The following TAFA2 variants were observed in gnomAD, a reference collection of about 807,000 sequenced individuals.
TAFA2 encodes chemokine-like protein TAFA-2.
TAFA2 carries 7 observed loss-of-function variants against 18.8 expected under a neutral mutation model. The observed-to-expected ratio is 0.37, with a 90% confidence interval of 0.21 to 0.70. The LOEUF is 0.70. TAFA2 is among the 30% of genes least tolerant of loss of function. The pLI is 0.53. For synonymous variants in TAFA2, 60 were observed against 54.2 expected (o/e 1.11, Z -0.47); for missense variants, 122 against 158.1 (o/e 0.77, Z 1.23).
intron 1 of TAFA2, chr12:62,234,838 T>C: frequency 2.0e-6 from 2 of 1,016,376 alleles, no homozygotes; most frequent in South Asian, 1.3e-5. Flanking sequence ...ACGAGAGTCC[T>C]GAGATCCTAA....
chr12:62,085,568 T>G (rs1394963453), intron 1 of TAFA2, among the ~76,000 whole-genome samples: 1 of 152,162 alleles, frequency 6.6e-6, no homozygotes, highest in African/African-American at 2.4e-5. Flanking sequence ...TTTTATTCAT[T>G]CATTCCACAT....
chr12:61,756,163 CAG>C (rs1308493096), intron 2 of TAFA2, among the ~76,000 whole-genome samples: 2 of 152,020 alleles, frequency 1.3e-5, no homozygotes, highest in Non-Finnish European at 2.9e-5. Context: ...TTTTCTAAGA[CAG>C]AGCAAATCAC....
chr12:62,037,239 T>C (rs1031862585), intron 1 of TAFA2, among the ~76,000 whole-genome samples: 10 of 152,220 alleles, frequency 6.6e-5, no homozygotes, highest in Middle Eastern at 3.2e-3. Context: ...TCCTTCTCCA[T>C]CTGTGCTCGA....
At chr12:61,955,649 A>ATATATG (rs1555178810) in intron 1 of TAFA2, among the ~76,000 whole-genome samples, 5 of 77,520 alleles carry the variant, frequency 6.4e-5, no homozygotes, top group African/African-American at 1.9e-4. Flanking sequence ...ATATATATAT[A>ATATATG]TATATATATA....
intron 2 of TAFA2, among the ~76,000 whole-genome samples, chr12:61,858,788 C>T (rs572919768): frequency 6.6e-6 from 1 of 151,872 alleles, no homozygotes; most frequent in Admixed American, 6.6e-5. Context: ...AAGTGTGAAC[C>T]AAAACAAATG....
chr12:62,109,803 G>T (rs575694496), intron 1 of TAFA2, among the ~76,000 whole-genome samples: 1 of 152,276 alleles, frequency 6.6e-6, no homozygotes, highest in African/African-American at 2.4e-5. Flanking sequence ...GTATAGGAAT[G>T]CCTGTGATTT....
rs192658147 is a variant in TAFA2, at chr12:62,105,055, T to G, written c.-2+86204A>C. 4.3e-5 allele frequency: 8 copies of G among 187,558 alleles called. No individual in the cohort carries two copies. The East Asian group carries it at 1.2e-3, about 28-fold the overall frequency. 11.6% of individuals were successfully genotyped at this position (187,558 alleles called of 1,614,324 possible). On this transcript the variant is annotated intron_variant, in intron 1 of 4. Transcript: ENST00000416284. The stretch of plus-strand genomic sequence containing the variant: ...AAGGAAGGGGGAAAGGTCTCCCTTT[T>G]TTTTGTTTTGTTTTGTTTTCTACAG...
At chr12:62,204,626 T>C (rs1297011102) in intron 1 of TAFA2, among the ~76,000 whole-genome samples, 1 of 152,220 alleles carries the variant, frequency 6.6e-6, no homozygotes, top group Non-Finnish European at 1.5e-5. Flanking sequence ...AGTTGGCTAT[T>C]GATACTTGTG....
rs1329658267 is a variant in TAFA2 at position 61,879,966 on chromosome 12, A to C, written c.-1-12540T>G. ...AAGGTAGAGCTGGAGTCTCACCTGG[A>C]AGGGCTGACTGATGAGATCAACTTC... On this transcript the variant is annotated intron_variant, in intron 1 of 4. Transcript: ENST00000416284. 5 of 862,164 alleles carry C rather than the reference A, an allele frequency of 5.8e-6. No individual in the cohort carries two copies. In the Admixed American group the frequency reaches 8.5e-5, roughly 15 times the overall value. The allele number at this position is 862,164 out of a possible 1,614,324, so 53.4% of individuals were successfully genotyped here. A position where few individuals can be genotyped will look rare whatever the true frequency, so the allele number is the denominator to read the frequency against.
intron 1 of TAFA2, among the ~76,000 whole-genome samples, chr12:61,931,102 C>T (rs1230331377): frequency 6.6e-6 from 1 of 152,152 alleles, no homozygotes; most frequent in African/African-American, 2.4e-5. Context: ...TCTCATGCCA[C>T]CATCAGTTGA....
At chr12:61,965,640 C>A (rs534676986) in intron 1 of TAFA2, among the ~76,000 whole-genome samples, 22 of 151,844 alleles carry the variant, frequency 1.4e-4, no homozygotes, top group Admixed American at 1.3e-3. Context: ...TGGGAGGGGA[C>A]TGAATTTCAG....
At chr12:61,811,275 C>CCTT (rs1871857975) in intron 2 of TAFA2, among the ~76,000 whole-genome samples, 1 of 150,882 alleles carries the variant, frequency 6.6e-6, no homozygotes, top group Non-Finnish European at 1.5e-5. Flanking sequence ...TCAGAAAAGC[C>CCTT]CTACAGTTGA....
At chr12:61,786,597 A>T (rs188253212) in intron 2 of TAFA2, among the ~76,000 whole-genome samples, 382 of 151,716 alleles carry the variant, frequency 2.5e-3, no homozygotes, top group African/African-American at 8.9e-3. Flanking sequence ...GCTAGGAAAG[A>T]TAAATTGAAC....
At chr12:62,077,788 G>A (rs924336658) in intron 1 of TAFA2, among the ~76,000 whole-genome samples, 9 of 151,892 alleles carry the variant, frequency 5.9e-5, no homozygotes, top group South Asian at 2.1e-4. Context: ...GCCATGAATC[G>A]CACTGGCACC....
chr12:62,161,882 T>C (rs1044130036), intron 1 of TAFA2, among the ~76,000 whole-genome samples: 17 of 152,202 alleles, frequency 1.1e-4, no homozygotes, highest in African/African-American at 4.1e-4. Flanking sequence ...AATTTGATGA[T>C]GTTTTTATGA....
At chr12:62,250,473 CATT>C (rs1198891041) in intron 1 of TAFA2, among the ~76,000 whole-genome samples, 5 of 152,034 alleles carry the variant, frequency 3.3e-5, no homozygotes, top group South Asian at 4.2e-4. Flanking sequence ...TTCTCAAACT[CATT>C]ATAATTTCTG....
chr12:62,153,607 C>T (rs559813347), intron 1 of TAFA2, among the ~76,000 whole-genome samples: 70 of 152,022 alleles, frequency 4.6e-4, no homozygotes, highest in African/African-American at 1.6e-3. Flanking sequence ...GAGTTTGAGG[C>T]CACAGTCAGC....
chr12:62,085,017 A>C (rs568473214), intron 1 of TAFA2, among the ~76,000 whole-genome samples: 1 of 152,238 alleles, frequency 6.6e-6, no homozygotes, highest in South Asian at 2.1e-4. Flanking sequence ...AACCATCAAC[A>C]AGTGTTCATA....
chr12:62,111,761 A>G (rs1869741866), intron 1 of TAFA2, among the ~76,000 whole-genome samples: 1 of 151,826 alleles, frequency 6.6e-6, no homozygotes, highest in South Asian at 2.1e-4. Flanking sequence ...GTCTTTTTTT[A>G]TCTTTGTTGG....
Sources: allele counts gnomAD v4.1 joint callset (sites outside exome capture counted in the v4.1 genomes callset), GRCh38; gene constraint gnomAD v4.1.1; transcripts MANE v1.5; gene names NCBI Gene and HGNC (gene_info 2026-07-23, HGNC 2026-07-21).